The following TLE1 variants were observed in gnomAD, a reference collection of about 807,000 sequenced individuals.
The protein encoded by TLE1 is TLE family member 1, transcriptional corepressor.
In TLE1, 21 loss-of-function variants were observed where a neutral mutation model predicts 89.8. That is an observed-to-expected ratio of 0.23 (90% confidence interval 0.17 to 0.34). TLE1 has a LOEUF of 0.34. Ranked by LOEUF, TLE1 falls within the 10% of genes least tolerant of loss-of-function variation. TLE1 has a pLI of 1.00. For synonymous variants in TLE1, 447 were observed against 407.6 expected, an observed-to-expected ratio of 1.10 and a Z score of -1.16; for missense variants, 795 against 1,031.2, an observed-to-expected ratio of 0.77 and a Z score of 3.14.
intron 6 of TLE1, among the ~76,000 whole-genome samples, chr9:81,645,227 C>A (rs1192980496): frequency 6.6e-6 from 1 of 150,680 alleles, no homozygotes; most frequent in Non-Finnish European, 1.5e-5. Flanking sequence ...GGCATGGTGG[C>A]GCATGTCTGT....
At chr9:81,679,505 G>C (rs756300240) in intron 4 of TLE1, among the ~76,000 whole-genome samples, 3 of 151,562 alleles carry the variant, frequency 2.0e-5, no homozygotes, top group Non-Finnish European at 2.9e-5. Flanking sequence ...ACCTCACGGG[G>C]AAAAAAAATC....
chr9:81,636,468 A>G (rs945997697), intron 6 of TLE1, among the ~76,000 whole-genome samples: 1 of 151,456 alleles, frequency 6.6e-6, no homozygotes, highest in African/African-American at 2.4e-5. Context: ...GGGGGAATGC[A>G]ATGATGCATA....
At chr9:81,655,496 C>A (rs565566832) in intron 4 of TLE1, among the ~76,000 whole-genome samples, 29 of 152,172 alleles carry the variant, frequency 1.9e-4, no homozygotes, top group Non-Finnish European at 3.5e-4. Context: ...AGGGAAGGGT[C>A]CACCTGCAGC....
chr9:81,614,621 A>T (rs967376743), intron 11 of TLE1, among the ~76,000 whole-genome samples: 22 of 152,120 alleles, frequency 1.4e-4, no homozygotes, highest in Non-Finnish European at 2.4e-4. Context: ...CCCAACCGGT[A>T]AAATGGGATA....
chr9:81,595,771 A>G (rs920859172), intron 14 of TLE1, among the ~76,000 whole-genome samples: 1 of 149,746 alleles, frequency 6.7e-6, no homozygotes, highest in Non-Finnish European at 1.5e-5. Context: ...GTGAGCCGAG[A>G]TTGTGCCACT....
At position 81,615,985 on chromosome 9, in the gene TLE1, G is replaced by T; in HGVS notation, c.915C>A (p.Ser305Arg). ...SSTSLKSKEM[S>R]LHEKASTPVL... ...AGTGTCAGTTTTCTTTACCTACCAA[G>T]CTCATTTCTTTGGATTTCAAAGAAG... Residue 305 changes from serine (S) to arginine (R), a missense_variant, in exon 11 of 20, where the codon AGC becomes AGA. Transcript: ENST00000376499. The T allele has an allele frequency of 1.9e-6, 3 of 1,613,630 alleles. No individual in the cohort carries two copies. Among genetic ancestry groups the T allele is most frequent in the Non-Finnish European group, 2.5e-6 (3 of 1,180,012 alleles).
At chr9:81,674,519 G>A (rs946613350) in intron 4 of TLE1, among the ~76,000 whole-genome samples, 3 of 152,082 alleles carry the variant, frequency 2.0e-5, no homozygotes, top group African/African-American at 7.2e-5. Context: ...TCTCCATCAC[G>A]ACAATTCCAT....
At chr9:81,616,263 C>A (rs1824500665) in intron 10 of TLE1, 129 bp from the exon 11 acceptor site, 2 of 1,124,252 alleles carry the variant, frequency 1.8e-6, no homozygotes, top group Non-Finnish European at 2.5e-6. Flanking sequence ...ACAAGGTGAC[C>A]AACACCATGT....
intron 4 of TLE1, among the ~76,000 whole-genome samples, chr9:81,673,708 A>C (rs1832540312): frequency 6.6e-6 from 1 of 151,976 alleles, no homozygotes; most frequent in Admixed American, 6.6e-5. Flanking sequence ...TGACACGGGG[A>C]GGGGGCGGCT....
chr9:81,657,346 G>GT (rs1482121207), intron 4 of TLE1, among the ~76,000 whole-genome samples: 4 of 152,026 alleles, frequency 2.6e-5, no homozygotes, highest in Admixed American at 2.6e-4. Flanking sequence ...TGGCCTTTAG[G>GT]TAAAGATTAG....
chr9:81,588,137 T>C (rs1033530176), intron 16 of TLE1, among the ~76,000 whole-genome samples: 1 of 152,144 alleles, frequency 6.6e-6, no homozygotes. Context: ...TAAAATTCTT[T>C]CCAGGTCTGG....
intron 8 of TLE1, among the ~76,000 whole-genome samples, chr9:81,628,918 A>G (rs1260673026): frequency 6.6e-6 from 1 of 152,096 alleles, no homozygotes; most frequent in African/African-American, 2.4e-5. Flanking sequence ...GAATTCTGCA[A>G]AAGAGCACGG....
chr9:81,637,562 G>C (rs543354518), intron 6 of TLE1, among the ~76,000 whole-genome samples: 1 of 152,022 alleles, frequency 6.6e-6, no homozygotes, highest in East Asian at 1.9e-4. Flanking sequence ...TGACCTTCTA[G>C]GTCCCCTGAA....
intron 14 of TLE1, among the ~76,000 whole-genome samples, chr9:81,595,802 G>T (rs1186209064): frequency 7.7e-6 from 1 of 130,656 alleles, no homozygotes; most frequent in Non-Finnish European, 1.6e-5. Flanking sequence ...CTGGGCGACA[G>T]AGACTCTGTC....
chr9:81,614,348 T>G (rs758789536), intron 11 of TLE1, among the ~76,000 whole-genome samples: 1 of 151,816 alleles, frequency 6.6e-6, no homozygotes, highest in Non-Finnish European at 1.5e-5. Context: ...CACTTTGGAG[T>G]TAAGAGTCAC....
At chr9:81,616,544 C>T in intron 10 of TLE1, 102 bp downstream of exon 10, 1 of 1,211,212 alleles carries the variant, frequency 8.3e-7, no homozygotes, top group Non-Finnish European at 1.2e-6. Flanking sequence ...TGCAAGAGGT[C>T]CCCCCACCGA....
intron 14 of TLE1, 57 bp from the exon 15 acceptor site, chr9:81,593,331 C>T: frequency 6.5e-7 from 1 of 1,533,782 alleles, no homozygotes; most frequent in Non-Finnish European, 8.8e-7. Flanking sequence ...GGAAGCAATC[C>T]CTATCTCGGC....
intron 14 of TLE1, among the ~76,000 whole-genome samples, chr9:81,593,900 C>T (rs552367279): frequency 2.0e-5 from 3 of 152,224 alleles, no homozygotes; most frequent in Admixed American, 6.5e-5. Context: ...TGGTCAGGAA[C>T]GCCATTATAT....
Position 81,587,732 on chromosome 9 carries a change from G to C in TLE1, c.1926C>G (p.Ser642=). The part of the protein sequence containing the change: ...WTGGLDNTVR[S]WDLREGRQLQ... ...GCTGCCGCCCCTCGCGCAGGTCCCAGGACCTGACTGTGTTGTCCAAACCAC... is the reference window on the plus strand; with the variant it reads ...GCTGCCGCCCCTCGCGCAGGTCCCACGACCTGACTGTGTTGTCCAAACCAC... Residue 642 remains serine (S), a synonymous_variant, in exon 17 of 20, where the codon TCC becomes TCG. Transcript: ENST00000376499. The C allele has an allele frequency of 2.5e-6, 4 of 1,614,172 alleles. No homozygotes were observed. In the African/African-American group the frequency reaches 4.0e-5, roughly 16 times the overall value.
Sources: gnomAD v4.1 joint callset for allele counts (sites outside exome capture counted in the v4.1 genomes callset) on GRCh38, gnomAD v4.1.1 for gene constraint, MANE v1.5 for transcripts, NCBI Gene and HGNC (gene_info 2026-07-23, HGNC 2026-07-21) for gene names.